The following ABCA4 variants were observed in gnomAD, a reference collection of about 807,000 sequenced individuals.
ABCA4 encodes the protein retinal-specific phospholipid-transporting ATPase ABCA4.
In ABCA4, 196 loss-of-function variants were observed where a neutral mutation model predicts 263.7. The ratio of observed to expected loss-of-function variants is 0.74; its 90% CI spans 0.66 to 0.84. The LOEUF (loss-of-function observed/expected upper bound fraction) is 0.84. ABCA4 is among the 40% of genes least tolerant of loss of function. The probability of loss-of-function intolerance (pLI) is 0.00; values close to 1 mark genes in which losing one functional copy is unlikely to be tolerated. For missense variants in ABCA4, 2,792 were observed against 2,855.1 expected, an observed-to-expected ratio of 0.98 and a Z score of 0.50; for synonymous variants, 1,133 against 1,094.2, an observed-to-expected ratio of 1.04 and a Z score of -0.70.
rs1460723809 is a variant in ABCA4, at chr1:94,121,112, G to A, written c.-67C>T. On this transcript the variant is annotated 5_prime_UTR_variant, in exon 1 of 50. Transcript: ENST00000370225. ...CCCTCAGACAGCAAAGGACATAAACGCCGTTAAGAGCGCCTCTGGCTCCGG... is the reference window on the plus strand; with the variant it reads ...CCCTCAGACAGCAAAGGACATAAACACCGTTAAGAGCGCCTCTGGCTCCGG... 8 of 1,445,996 alleles carry A rather than the reference G, an allele frequency of 5.5e-6. No homozygotes were observed. The highest frequency in any genetic ancestry group is 3.3e-5 in the Admixed American group (2 of 59,796). 89.6% of individuals were successfully genotyped at this position (1,445,996 alleles called of 1,614,324 possible).
chr1:94,081,118 G>A (rs1344638364), intron 7 of ABCA4, among the ~76,000 whole-genome samples: 2 of 152,054 alleles, frequency 1.3e-5, no homozygotes, highest in Admixed American at 6.6e-5. Context: ...CCAGCTATTC[G>A]GGAGGCTGAG....
At chr1:94,018,584 A>G (rs1480216519) in intron 36 of ABCA4, 1 of 455,860 alleles carries the variant, frequency 2.2e-6, no homozygotes, top group African/African-American at 2.0e-5. Context: ...CATCATTTTA[A>G]AAAACCATGG....
chr1:94,120,907 C>T, intron 1 of ABCA4, 73 bp downstream of exon 1: 2 of 1,034,526 alleles, frequency 1.9e-6, no homozygotes, highest in Admixed American at 3.6e-5. Context: ...CCTACCCCAC[C>T]ACCCCACCCC....
intron 43 of ABCA4, among the ~76,000 whole-genome samples, chr1:94,006,327 G>A (rs763204663): frequency 1.8e-4 from 28 of 152,164 alleles, no homozygotes; most frequent in Non-Finnish European, 3.7e-4. Context: ...AGTAGGGTAC[G>A]TTTCCAAATT....
At chr1:94,109,211 C>G (rs1662529803) in intron 3 of ABCA4, among the ~76,000 whole-genome samples, 3 of 152,178 alleles carry the variant, frequency 2.0e-5, no homozygotes. Flanking sequence ...GGTGAGCGAT[C>G]TATTCAGTCT....
At position 94,044,660 on chromosome 1, in the gene ABCA4, G is replaced by A. The variant is rs2101053439; in HGVS notation, c.3003C>T (p.Val1001=). 1.9e-6 allele frequency: 3 copies of A among 1,614,228 alleles called. No homozygotes were observed. In the Middle Eastern group the frequency reaches 4.9e-4, roughly 266 times the overall value. ...GTGGACACATGCCAAGGCTCTGCCG[G>A]ACTGCATCCAGGCTGGTTTCAATGT... ...GRDIETSLDA[V]RQSLGMCPQH... Residue 1001 remains valine, a synonymous_variant, in exon 20 of 50, where the codon GTC becomes GTT. Transcript: ENST00000370225.
At chr1:94,040,849 C>G (rs1570370368) in intron 23 of ABCA4, among the ~76,000 whole-genome samples, 1 of 152,130 alleles carries the variant, frequency 6.6e-6, no homozygotes, top group Non-Finnish European at 1.5e-5. Flanking sequence ...CACTGAAATT[C>G]AGGTTTAATT....
chr1:94,047,693 C>T (rs1357403621), intron 18 of ABCA4, among the ~76,000 whole-genome samples: 1 of 152,156 alleles, frequency 6.6e-6, no homozygotes, highest in Non-Finnish European at 1.5e-5. Context: ...TTTGAGTTGA[C>T]TTTGACTAAG....
intron 11 of ABCA4, among the ~76,000 whole-genome samples, chr1:94,064,315 G>C (rs1661208433): frequency 6.6e-6 from 1 of 152,248 alleles, no homozygotes; most frequent in South Asian, 2.1e-4. Flanking sequence ...TAATGTGGAA[G>C]GATCAGGTTC....
chr1:94,004,834 C>T lies in ABCA4; in HGVS notation c.6147+607G>A, dbSNP rs116599773. Among the ~76,000 whole-genome samples, 1,192 of 152,276 alleles carry T rather than the reference C, an allele frequency of 7.8e-3. 22 individuals are homozygous for T. The highest frequency in any genetic ancestry group is 0.027 in the African/African-American group (1,126 of 41,544). ...ATTGTTTTCTGGTTTATCCTTTCTACGTTCTATTTGCAAAGGTAAGCAGAC... is the reference window on the plus strand; with the variant it reads ...ATTGTTTTCTGGTTTATCCTTTCTATGTTCTATTTGCAAAGGTAAGCAGAC... On this transcript the variant is annotated intron_variant, in intron 44 of 49. Coordinates refer to ENST00000370225, the MANE Select transcript of ABCA4 (RefSeq NM_000350.3).
chr1:94,018,407 G>T (rs900973705), intron 36 of ABCA4, among the ~76,000 whole-genome samples: 1 of 152,240 alleles, frequency 6.6e-6, no homozygotes, highest in Non-Finnish European at 1.5e-5. Flanking sequence ...AGGCTTTCAG[G>T]TTCTGACCTC....
At chr1:94,009,114 G>T (rs1480146986) in intron 40 of ABCA4, among the ~76,000 whole-genome samples, 1 of 152,040 alleles carries the variant, frequency 6.6e-6, no homozygotes, top group Non-Finnish European at 1.5e-5. Flanking sequence ...GTGATCTTGG[G>T]CATTGGACCT....
intron 6 of ABCA4, among the ~76,000 whole-genome samples, chr1:94,097,049 G>A (rs1662141949): frequency 6.6e-6 from 1 of 152,236 alleles, no homozygotes; most frequent in Non-Finnish European, 1.5e-5. Flanking sequence ...TCACTCTTCT[G>A]TCTGATTCTG....
At chr1:94,118,436 G>C (rs1190179822) in intron 1 of ABCA4, among the ~76,000 whole-genome samples, 1 of 152,186 alleles carries the variant, frequency 6.6e-6, no homozygotes, top group African/African-American at 2.4e-5. Flanking sequence ...TGAATTATGG[G>C]CTGGGTGGTT....
intron 48 of ABCA4, among the ~76,000 whole-genome samples, chr1:93,997,271 T>G (rs953367393): frequency 6.6e-6 from 1 of 152,174 alleles, no homozygotes; most frequent in African/African-American, 2.4e-5. Context: ...TTGTTTTGCT[T>G]TTTTGAGACA....
chr1:94,077,923 G>A lies in ABCA4; in HGVS notation c.1357-36C>T, dbSNP rs780218254. The A allele has an allele frequency of 2.5e-6, 4 of 1,583,570 alleles. No homozygotes were observed. In the East Asian group the frequency reaches 8.9e-5, roughly 35 times the overall value. ...AGAAATACAGTCACTGCTCTGCTTA[G>A]AAATTCCATAGGATCTTTGGTCTTG... On this transcript the variant is annotated intron_variant, in intron 10 of 49. Coordinates refer to ENST00000370225, the MANE Select transcript of ABCA4 (RefSeq NM_000350.3).
At chr1:94,106,528 G>A (rs532929274) in intron 4 of ABCA4, among the ~76,000 whole-genome samples, 1 of 152,216 alleles carries the variant, frequency 6.6e-6, no homozygotes, top group South Asian at 2.1e-4. Flanking sequence ...GGGGAAGGGG[G>A]ATTTCTTACT....
At chr1:94,063,025 G>T in intron 12 of ABCA4, 87 bp downstream of exon 12, 1 of 1,278,010 alleles carries the variant, frequency 7.8e-7, no homozygotes, top group South Asian at 1.2e-5. Context: ...ATTGATTTAT[G>T]AGTCCAGTCT....
At position 94,007,691 on chromosome 1, in the gene ABCA4, T is replaced by C; in HGVS notation, c.5948A>G (p.Lys1983Arg). The C allele has an allele frequency of 6.2e-7, 1 of 1,614,084 alleles. No homozygotes were observed. The highest frequency in any genetic ancestry group is 8.5e-7 in the Non-Finnish European group (1 of 1,180,020). The change falls in exon 43 of 50, where the codon AAG becomes AGG. Residue 1983 changes from lysine to arginine, a missense_variant. Lys to Arg is a conservative substitution (Grantham distance 26). Coordinates refer to ENST00000370225, the MANE Select transcript of ABCA4 (RefSeq NM_000350.3). ...CACTGTGGTGTCCCCAGTGAGCATCTTGAATGTGGTTGTTTTGCCGGCACC... is the reference window on the plus strand; with the variant it reads ...CACTGTGGTGTCCCCAGTGAGCATCCTGAATGTGGTTGTTTTGCCGGCACC... ...VNGAGKTTTF[K>R]MLTGDTTVTS...
Sources: allele counts gnomAD v4.1 joint callset (sites outside exome capture counted in the v4.1 genomes callset), GRCh38; gene constraint gnomAD v4.1.1; transcripts MANE v1.5; gene names NCBI Gene and HGNC (gene_info 2026-07-23, HGNC 2026-07-21).